IGF1R: variants seen among roughly 807,000 people sequenced by gnomAD.
IGF1R encodes the protein insulin-like growth factor 1 receptor.
A neutral mutation model predicts 144.6 loss-of-function variants in IGF1R; 44 were observed. That is an observed-to-expected ratio of 0.30 (90% confidence interval 0.24 to 0.39). The LOEUF (loss-of-function observed/expected upper bound fraction) is 0.39. Among genes scored for constraint, IGF1R ranks in the 10% least tolerant of loss-of-function variants. IGF1R has a pLI of 1.00. For synonymous variants in IGF1R, 795 were observed against 722.8 expected, an observed-to-expected ratio of 1.10 and a Z score of -1.60; for missense variants, 1,355 against 1,833.7, an observed-to-expected ratio of 0.74 and a Z score of 4.77.
intron 19 of IGF1R, among the ~76,000 whole-genome samples, chr15:98,945,941 A>G (rs1022742359): frequency 2.0e-5 from 3 of 151,350 alleles, no homozygotes; most frequent in African/African-American, 7.3e-5. Context: ...TAGGTCTGCT[A>G]CCTCCTGTAT....
intron 2 of IGF1R, among the ~76,000 whole-genome samples, chr15:98,708,751 C>T (rs1012633070): frequency 6.6e-6 from 1 of 152,302 alleles, no homozygotes. Flanking sequence ...TTGCAGGTAG[C>T]TGTGTAGCAG....
chr15:98,937,016 G>T (rs2016179578), intron 17 of IGF1R, among the ~76,000 whole-genome samples: 1 of 152,138 alleles, frequency 6.6e-6, no homozygotes, highest in Admixed American at 6.5e-5. Context: ...CTCCCAAGTA[G>T]CTGGGATTAC....
chr15:98,925,182 C>A (rs892513534), intron 13 of IGF1R, among the ~76,000 whole-genome samples: 1 of 152,098 alleles, frequency 6.6e-6, no homozygotes, highest in Non-Finnish European at 1.5e-5. Flanking sequence ...GCATCGCAGA[C>A]CCTCCACTGT....
chr15:98,871,750 G>C (rs1315640212), intron 2 of IGF1R, among the ~76,000 whole-genome samples: 1 of 152,182 alleles, frequency 6.6e-6, no homozygotes, highest in Non-Finnish European at 1.5e-5. Flanking sequence ...AACAGCAAGG[G>C]AAAAACCCAC....
Position 98,924,146 on chromosome 15 carries a change from T to G in IGF1R, c.2622+134T>G, listed in dbSNP as rs41533949. Reference sequence around the variant, plus strand: ...AAATCCATGCCAAGTTGGTGAGGATTTGGGTCTTTCTACCCACTCTGTACT... The same window carrying G: ...AAATCCATGCCAAGTTGGTGAGGATGTGGGTCTTTCTACCCACTCTGTACT... On this transcript the variant is annotated intron_variant, in intron 12 of 20. Transcript: ENST00000650285. The G allele has an allele frequency of 3.7e-3, 3,523 of 944,122 alleles. 47 individuals are homozygous for G. Among genetic ancestry groups the G allele is most frequent in the Admixed American group, 0.026 (1,445 of 55,796 alleles). The allele number at this position is 944,122 out of a possible 1,614,324, so 58.5% of individuals were successfully genotyped here. A position where few individuals can be genotyped will look rare whatever the true frequency, so the allele number is the denominator to read the frequency against.
intron 2 of IGF1R, among the ~76,000 whole-genome samples, chr15:98,708,466 C>T (rs2053919200): frequency 6.6e-6 from 1 of 152,184 alleles, no homozygotes; most frequent in South Asian, 2.1e-4. Flanking sequence ...CTTGGAAGTC[C>T]CTGAGCCTTG....
At chr15:98,784,479 T>C (rs2055940600) in intron 2 of IGF1R, 1 of 153,956 alleles carries the variant, frequency 6.5e-6, no homozygotes, top group Non-Finnish European at 1.5e-5. Flanking sequence ...TGTACCAACC[T>C]AGGTGGTCAG....
At chr15:98,821,899 T>C (rs1243932482) in intron 2 of IGF1R, among the ~76,000 whole-genome samples, 2 of 152,212 alleles carry the variant, frequency 1.3e-5, no homozygotes, top group African/African-American at 4.8e-5. Context: ...ATATTCATGA[T>C]GGCTTCTTAA....
At chr15:98,816,644 C>T (rs974080728) in intron 2 of IGF1R, among the ~76,000 whole-genome samples, 2 of 152,178 alleles carry the variant, frequency 1.3e-5, no homozygotes, top group Non-Finnish European at 2.9e-5. Context: ...TTCCCTTGTG[C>T]CTGTGTTTTA....
intron 1 of IGF1R, among the ~76,000 whole-genome samples, chr15:98,683,855 T>A (rs2053253477): frequency 6.6e-6 from 1 of 152,226 alleles, no homozygotes; most frequent in Admixed American, 6.5e-5. Flanking sequence ...TTTTTTCTGA[T>A]CTCTAAGACA....
chr15:98,838,122 G>A (rs746990987), intron 2 of IGF1R, among the ~76,000 whole-genome samples: 1 of 152,098 alleles, frequency 6.6e-6, no homozygotes, highest in Non-Finnish European at 1.5e-5. Flanking sequence ...ACCTTTATGA[G>A]AAAAAACTTA....
intron 2 of IGF1R, among the ~76,000 whole-genome samples, chr15:98,741,235 C>CTGTTTTTTTTTTTTTTTTTTTTTTT (rs755082795): frequency 1.4e-5 from 1 of 70,330 alleles, no homozygotes; most frequent in Non-Finnish European, 2.6e-5. Flanking sequence ...TTTTCCTGAG[C>CTGTTTTTTTTTTTTTTTTTTTTTTT]TTTTTTTTTT....
intron 2 of IGF1R, among the ~76,000 whole-genome samples, chr15:98,818,385 ACTGATTT>A (rs1453270941): frequency 1.3e-5 from 2 of 152,156 alleles, no homozygotes; most frequent in Non-Finnish European, 2.9e-5. Context: ...AGAGTGGCAC[ACTGATTT>A]CTACAACAGT....
intron 2 of IGF1R, among the ~76,000 whole-genome samples, chr15:98,784,005 C>T (rs2055924502): frequency 9.6e-6 from 1 of 103,682 alleles, no homozygotes; most frequent in Non-Finnish European, 1.7e-5. Flanking sequence ...GATGGAGTCT[C>T]CCTTTGTTGC....
intron 14 of IGF1R, 86 bp downstream of exon 14, chr15:98,929,746 T>G (rs1293317224): frequency 4.1e-5 from 38 of 934,046 alleles, no homozygotes; most frequent in Admixed American, 1.1e-4. Flanking sequence ...TTTTGAAGAT[T>G]TCAAGGAAAT....
intron 2 of IGF1R, among the ~76,000 whole-genome samples, chr15:98,795,667 C>T (rs2056225229): frequency 6.6e-6 from 1 of 152,170 alleles, no homozygotes; most frequent in South Asian, 2.1e-4. Flanking sequence ...CCACCTGTCT[C>T]GGCCTCCCAA....
At chr15:98,703,873 T>C (rs965155412) in intron 1 of IGF1R, among the ~76,000 whole-genome samples, 3 of 152,212 alleles carry the variant, frequency 2.0e-5, no homozygotes, top group African/African-American at 4.8e-5. Context: ...AACAAGTAAA[T>C]AGATGCCTAA....
chr15:98,657,725 A>G (rs552090944), intron 1 of IGF1R, among the ~76,000 whole-genome samples: 1 of 152,334 alleles, frequency 6.6e-6, no homozygotes, highest in South Asian at 2.1e-4. Context: ...GTCAGGTGAT[A>G]CAATTGGGAT....
At chr15:98,792,788 G>A (rs2056155666) in intron 2 of IGF1R, among the ~76,000 whole-genome samples, 1 of 152,186 alleles carries the variant, frequency 6.6e-6, no homozygotes, top group Non-Finnish European at 1.5e-5. Context: ...ATTTTGTACT[G>A]ATACTCTGTG....
Sources: gnomAD v4.1 joint callset for allele counts (sites outside exome capture counted in the v4.1 genomes callset) on GRCh38, gnomAD v4.1.1 for gene constraint, MANE v1.5 for transcripts, NCBI Gene and HGNC (gene_info 2026-07-23, HGNC 2026-07-21) for gene names.